Variants in MLLT3 observed in about 807,000 individuals in gnomAD.
MLLT3 encodes protein AF-9.
Under a neutral mutation model 53.2 loss-of-function variants are expected in MLLT3, and 4 were observed. The ratio of observed to expected loss-of-function variants is 0.08; its 90% confidence interval spans 0.04 to 0.17. The LOEUF (loss-of-function observed/expected upper bound fraction) is 0.17. Ranked by LOEUF, MLLT3 falls within the 10% of genes least tolerant of loss-of-function variation. The pLI is 1.00. For synonymous variants in MLLT3, 283 were observed against 230.6 expected, an observed-to-expected ratio of 1.23 and a Z score of -2.06; for missense variants, 569 against 684.0, an observed-to-expected ratio of 0.83 and a Z score of 1.87.
chr9:20,567,304 TAAAAA>T (rs35505450), intron 2 of MLLT3, among the ~76,000 whole-genome samples: 1 of 79,972 alleles, frequency 1.3e-5, no homozygotes, highest in African/African-American at 4.8e-5. Flanking sequence ...CTATATTCAG[TAAAAA>T]AAAAAAAAAA....
intron 3 of MLLT3, among the ~76,000 whole-genome samples, chr9:20,454,889 C>A (rs1823921762): frequency 6.6e-6 from 1 of 151,992 alleles, no homozygotes; most frequent in African/African-American, 2.4e-5. Flanking sequence ...AAAAAAAATA[C>A]AAATGAACAA....
At chr9:20,425,100 T>C (rs1156944392) in intron 4 of MLLT3, among the ~76,000 whole-genome samples, 1 of 152,132 alleles carries the variant, frequency 6.6e-6, no homozygotes. Flanking sequence ...TAGGATAACC[T>C]GAACTTGAGA....
intron 2 of MLLT3, among the ~76,000 whole-genome samples, chr9:20,555,009 CTAAT>C (rs1219384963): frequency 2.0e-5 from 3 of 152,286 alleles, no homozygotes; most frequent in African/African-American, 7.2e-5. Flanking sequence ...TTATTCCTTT[CTAAT>C]TAATTAACTA....
chr9:20,589,604 T>A (rs7030761), intron 2 of MLLT3, among the ~76,000 whole-genome samples: 115,789 of 150,966 alleles, frequency 0.77, 44,942 homozygotes, highest in Middle Eastern at 0.89. Context: ...AAAAAGAAAA[T>A]TTTTTTATAA....
intron 2 of MLLT3, among the ~76,000 whole-genome samples, chr9:20,577,436 A>G (rs1440051977): frequency 6.6e-6 from 1 of 152,206 alleles, no homozygotes; most frequent in Non-Finnish European, 1.5e-5. Flanking sequence ...CCTCCAGAGA[A>G]GAAAACACAA....
intron 2 of MLLT3, among the ~76,000 whole-genome samples, chr9:20,459,810 A>G (rs1259018874): frequency 6.6e-6 from 1 of 152,208 alleles, no homozygotes; most frequent in Non-Finnish European, 1.5e-5. Context: ...TTACCAATTC[A>G]TATAATTATT....
intron 2 of MLLT3, among the ~76,000 whole-genome samples, chr9:20,488,437 A>G (rs2118917603): frequency 6.6e-6 from 1 of 152,310 alleles, no homozygotes; most frequent in South Asian, 2.1e-4. Context: ...TGAATGAAAA[A>G]TTGAACAATG....
In MLLT3 at chr9:20,454,421, C is replaced by T. The variant is rs78853417; in HGVS notation, c.276+2283G>A. Among the ~76,000 whole-genome samples, 12 of 152,174 alleles carry T rather than the reference C, an allele frequency of 7.9e-5. 1 individual carries two copies. In the Middle Eastern group the frequency reaches 0.014, roughly 173 times the overall value. ...TAAAACAGATTCCTCTGTTCAACTC[C>T]GAGCTTGTACAAATGACCAGAAGAG... On this transcript the variant is annotated intron_variant, in intron 3 of 10. Transcript: ENST00000380338.
intron 5 of MLLT3, among the ~76,000 whole-genome samples, chr9:20,370,686 T>G (rs1821576671): frequency 6.6e-6 from 1 of 152,100 alleles, no homozygotes; most frequent in South Asian, 2.1e-4. Flanking sequence ...AATTTGTATA[T>G]TTTTGGTAGA....
In MLLT3 at chr9:20,622,266, C is replaced by G. The variant is rs1821042125; in HGVS notation, c.-10G>C. The G allele has an allele frequency of 1.3e-6, 2 of 1,594,548 alleles. No homozygotes were observed. The highest frequency in any genetic ancestry group is 1.7e-6 in the Non-Finnish European group (2 of 1,169,698). On this transcript the variant is annotated 5_prime_UTR_variant, in exon 1 of 11. Coordinates refer to ENST00000380338, the MANE Select transcript of MLLT3 (RefSeq NM_004529.4). ...TTACCGAGCTAGCCATGCCTGGGGG[C>G]CCGGAGGTTTGCTGGGGTGTTGTGT...
At chr9:20,464,732 T>G (rs1824193145) in intron 2 of MLLT3, among the ~76,000 whole-genome samples, 1 of 152,096 alleles carries the variant, frequency 6.6e-6, no homozygotes, top group Non-Finnish European at 1.5e-5. Context: ...GAGGAAGATG[T>G]GCAAACAATC....
At chr9:20,565,417 A>G (rs928252819) in intron 2 of MLLT3, among the ~76,000 whole-genome samples, 2 of 152,092 alleles carry the variant, frequency 1.3e-5, no homozygotes, top group African/African-American at 4.8e-5. Context: ...CTGCCCAAAA[A>G]GGAAAACTTC....
At chr9:20,562,004 G>C (rs185004421) in intron 2 of MLLT3, among the ~76,000 whole-genome samples, 2 of 152,088 alleles carry the variant, frequency 1.3e-5, no homozygotes, top group Non-Finnish European at 1.5e-5. Context: ...GGGAGATGGA[G>C]AGAATCCTAA....
chr9:20,371,430 T>A (rs1457845549), intron 5 of MLLT3, among the ~76,000 whole-genome samples: 1 of 152,234 alleles, frequency 6.6e-6, no homozygotes, highest in East Asian at 1.9e-4. Flanking sequence ...GACACTCTTT[T>A]TAGAGGCTAA....
intron 4 of MLLT3, among the ~76,000 whole-genome samples, chr9:20,440,984 C>A (rs1171092399): frequency 6.6e-6 from 1 of 152,122 alleles, no homozygotes; most frequent in African/African-American, 2.4e-5. Flanking sequence ...TCGGGGAGGT[C>A]TGCAGAAAGA....
At chr9:20,541,104 G>C (rs1818618400) in intron 2 of MLLT3, among the ~76,000 whole-genome samples, 1 of 152,188 alleles carries the variant, frequency 6.6e-6, no homozygotes, top group Non-Finnish European at 1.5e-5. Flanking sequence ...TAGCAAGAGT[G>C]ACCTTTACTC....
At chr9:20,423,077 G>A (rs1012959143) in intron 4 of MLLT3, among the ~76,000 whole-genome samples, 2 of 152,118 alleles carry the variant, frequency 1.3e-5, no homozygotes, top group Non-Finnish European at 2.9e-5. Flanking sequence ...TCTTTTCTTT[G>A]GAGATGGTCT....
rs548679213 is a variant in MLLT3, at chr9:20,587,063, A to G, written c.193+33591T>C. On this transcript the variant is annotated intron_variant, in intron 2 of 10. Transcript: ENST00000380338. ...AATTATTTGATAAAACCAAGTACAA[A>G]ATAAAAGACTTGATTCTGCAGCTTA... 2.7e-4 allele frequency among the ~76,000 whole-genome samples: 41 copies of G among 152,256 alleles called. No homozygotes were observed. The East Asian group carries it at 3.7e-3, about 14-fold the overall frequency.
At position 20,346,207 on chromosome 9, in the gene MLLT3, G is replaced by T. The variant is rs1339692150; in HGVS notation, c.*236C>A. On this transcript the variant is annotated 3_prime_UTR_variant, in exon 11 of 11. Transcript: ENST00000380338. The stretch of plus-strand genomic sequence containing the variant: ...CTAACTCTTCCCGGGGATTTCCTTG[G>T]AGAGAAGAGTGGTCCGCTGAGGCTG... 13 of 400,358 alleles carry T rather than the reference G, an allele frequency of 3.2e-5. No individual in the cohort carries two copies. The highest frequency in any genetic ancestry group is 5.8e-5 in the Non-Finnish European group (13 of 224,052). The allele number at this position is 400,358 out of a possible 1,614,324, so 24.8% of individuals were successfully genotyped here.
Sources: gnomAD v4.1 joint callset for allele counts (sites outside exome capture counted in the v4.1 genomes callset) on GRCh38, gnomAD v4.1.1 for gene constraint, MANE v1.5 for transcripts, NCBI Gene and HGNC (gene_info 2026-07-23, HGNC 2026-07-21) for gene names.